The following PTK2B variants were observed in gnomAD, a reference collection of about 807,000 sequenced individuals.
The protein encoded by PTK2B is protein-tyrosine kinase 2-beta.
A neutral mutation model predicts 142.9 loss-of-function variants in PTK2B; 71 were observed. That is an observed-to-expected ratio of 0.50 (90% CI 0.41 to 0.61). PTK2B has a LOEUF of 0.61. Among genes scored for constraint, PTK2B ranks in the 20% least tolerant of loss-of-function variants. PTK2B has a pLI of 0.00. For missense variants in PTK2B, 1,105 were observed against 1,320.4 expected, an observed-to-expected ratio of 0.84 and a Z score of 2.53; for synonymous variants, 519 against 503.4, an observed-to-expected ratio of 1.03 and a Z score of -0.42.
At chr8:27,331,791 T>C (rs17057026) in intron 1 of PTK2B, among the ~76,000 whole-genome samples, 6,390 of 152,228 alleles carry the variant, frequency 0.042, 438 homozygotes, top group African/African-American at 0.15. Context: ...CCTAAATTAA[T>C]GTACTGATTT....
intron 1 of PTK2B, among the ~76,000 whole-genome samples, chr8:27,338,016 C>T (rs1265507459): frequency 2.0e-5 from 3 of 152,144 alleles, no homozygotes; most frequent in East Asian, 1.9e-4. Context: ...TCCACGTTCT[C>T]GCCAACACTT....
At chr8:27,327,628 A>G (rs1476892185) in intron 1 of PTK2B, among the ~76,000 whole-genome samples, 3 of 152,200 alleles carry the variant, frequency 2.0e-5, no homozygotes, top group African/African-American at 7.2e-5. Flanking sequence ...TCTTGTAACC[A>G]TTCCTCCTGG....
At chr8:27,379,161 A>C (rs1806859235) in intron 1 of PTK2B, among the ~76,000 whole-genome samples, 1 of 152,198 alleles carries the variant, frequency 6.6e-6, no homozygotes. Flanking sequence ...TTAAAGAGGT[A>C]GCCGAAGTGA....
At chr8:27,451,757 A>G in intron 27 of PTK2B, 7 of 1,360,206 alleles carry the variant, frequency 5.1e-6, no homozygotes, top group Non-Finnish European at 6.6e-6. Context: ...CCCTCCTCAG[A>G]TCATCCCCCT....
At chr8:27,423,086 G>T (rs572832653) in intron 5 of PTK2B, among the ~76,000 whole-genome samples, 3 of 152,014 alleles carry the variant, frequency 2.0e-5, no homozygotes, top group Non-Finnish European at 4.4e-5. Flanking sequence ...GAGCTTGGAG[G>T]GATAAGTTGG....
chr8:27,438,345 G>A (rs1450835496), intron 18 of PTK2B, among the ~76,000 whole-genome samples: 2 of 127,446 alleles, frequency 1.6e-5, no homozygotes, highest in Admixed American at 7.9e-5. Flanking sequence ...TGTGGCTGTG[G>A]AGTTGGCCCC....
intron 8 of PTK2B, 171 bp from the exon 9 acceptor site, chr8:27,431,227 G>T: frequency 6.7e-7 from 1 of 1,499,622 alleles, no homozygotes; most frequent in Non-Finnish European, 9.0e-7. Context: ...GAGGTGGGCA[G>T]GACAGGCAAG....
intron 1 of PTK2B, among the ~76,000 whole-genome samples, chr8:27,374,543 C>T (rs1806553422): frequency 6.6e-6 from 1 of 152,236 alleles, no homozygotes; most frequent in Non-Finnish European, 1.5e-5. Flanking sequence ...TTAGGATTGG[C>T]TCACGTGAAT....
intron 1 of PTK2B, among the ~76,000 whole-genome samples, chr8:27,378,124 TTTTC>T (rs550084126): frequency 1.6e-3 from 241 of 152,352 alleles, no homozygotes; most frequent in African/African-American, 5.6e-3. Context: ...CCTTCTATCT[TTTTC>T]TTTCTTTCTG....
At chr8:27,397,859 TC>T in intron 2 of PTK2B, 71 bp downstream of exon 2, 1 of 545,464 alleles carries the variant, frequency 1.8e-6, no homozygotes, top group Non-Finnish European at 2.8e-6. Context: ...TGAGCAGCTC[TC>T]CTGCAGCCTC....
chr8:27,396,198 T>C (rs1445930434), intron 1 of PTK2B: 1 of 152,252 alleles, frequency 6.6e-6, no homozygotes, highest in Non-Finnish European at 1.5e-5. Context: ...TATTCACTTT[T>C]TAAAAAAGGA....
intron 1 of PTK2B, among the ~76,000 whole-genome samples, chr8:27,336,650 C>T (rs1586104020): frequency 6.6e-6 from 1 of 152,224 alleles, no homozygotes; most frequent in African/African-American, 2.4e-5. Flanking sequence ...AACTTAAATA[C>T]TGCTTTCCCC....
intron 3 of PTK2B, among the ~76,000 whole-genome samples, chr8:27,315,531 T>C (rs2130492158): frequency 6.6e-6 from 1 of 152,286 alleles, no homozygotes; most frequent in East Asian, 1.9e-4. Flanking sequence ...TCTTTCACTG[T>C]GTTCTCTTAT....
At chr8:27,407,238 C>A (rs1459071870) in intron 2 of PTK2B, among the ~76,000 whole-genome samples, 1 of 152,180 alleles carries the variant, frequency 6.6e-6, no homozygotes, top group Non-Finnish European at 1.5e-5. Context: ...CCCGTCTTCA[C>A]ACACAGCAGA....
chr8:27,311,459 A>G (rs907909766), upstream of PTK2B: 7 of 609,770 alleles, frequency 1.1e-5, no homozygotes, highest in Admixed American at 1.8e-4. Flanking sequence ...AAATCTTGGG[A>G]GAGCGGGGTG....
chr8:27,409,154 G>T (rs908410192), intron 2 of PTK2B, among the ~76,000 whole-genome samples: 1 of 152,150 alleles, frequency 6.6e-6, no homozygotes, highest in Non-Finnish European at 1.5e-5. Context: ...CGATTAGTCT[G>T]TAAACACTCT....
At chr8:27,434,458 G>A in intron 12 of PTK2B, 55 bp from the exon 13 acceptor site, 1 of 1,562,804 alleles carries the variant, frequency 6.4e-7, no homozygotes, top group Non-Finnish European at 8.7e-7. Flanking sequence ...GGCTGCCCAG[G>A]GGAACATTAC....
At chr8:27,314,522 C>T (rs1173425582) in intron 3 of PTK2B, among the ~76,000 whole-genome samples, 2 of 152,208 alleles carry the variant, frequency 1.3e-5, no homozygotes, top group Non-Finnish European at 2.9e-5. Context: ...ACTTCAGCTG[C>T]GACAGCAAAT....
At chr8:27,454,481 T>G in intron 29 of PTK2B, 50 bp from the exon 30 acceptor site, 1 of 1,593,136 alleles carries the variant, frequency 6.3e-7, no homozygotes. Flanking sequence ...GAAACCTGGC[T>G]CTCTCCAATA....
Sources: allele counts gnomAD v4.1 joint callset (sites outside exome capture counted in the v4.1 genomes callset), GRCh38; gene constraint gnomAD v4.1.1; transcripts MANE v1.5; gene names NCBI Gene and HGNC (gene_info 2026-07-23, HGNC 2026-07-21).